The following CMSS1 variants were observed in gnomAD, a reference collection of about 807,000 sequenced individuals.
CMSS1 encodes the protein cms1 ribosomal small subunit homolog.
CMSS1 carries 33 observed loss-of-function variants against 43.5 expected under a neutral mutation model. The observed-to-expected ratio is 0.76, with a 90% CI of 0.57 to 1.01. The LOEUF is 1.01. Among genes scored for constraint, CMSS1 ranks in the 50% least tolerant of loss-of-function variants. CMSS1 has a pLI of 0.00. For missense variants in CMSS1, 313 were observed against 326.4 expected (o/e 0.96, Z 0.32); for synonymous variants, 115 against 117.2 (o/e 0.98, Z 0.12).
chr3:99,921,407 T>G (rs1707120485), intron 1 of CMSS1, among the ~76,000 whole-genome samples: 1 of 152,072 alleles, frequency 6.6e-6, no homozygotes, highest in Admixed American at 6.6e-5. Context: ...GCCTGCAGTC[T>G]CCCAGCAGAA....
At chr3:99,960,891 G>C (rs562095644) in intron 1 of CMSS1, among the ~76,000 whole-genome samples, 58 of 152,178 alleles carry the variant, frequency 3.8e-4, no homozygotes, top group Non-Finnish European at 7.6e-4. Flanking sequence ...AATGTACTCT[G>C]TGTGTTTGGC....
At chr3:99,965,215 A>T (rs1395780499) in intron 1 of CMSS1, among the ~76,000 whole-genome samples, 1 of 152,258 alleles carries the variant, frequency 6.6e-6, no homozygotes, top group African/African-American at 2.4e-5. Flanking sequence ...TGTGAAACAA[A>T]TATATGAGTC....
Position 99,946,916 on chromosome 3 carries a change from C to T in CMSS1, c.64+128873C>T, listed in dbSNP as rs1708025081. ...GGTGCTAACAGAGGTGGGCGGATCTCCTGAGGTCTGGAGTTCAAGACCAGC... is the reference window on the plus strand; with the variant it reads ...GGTGCTAACAGAGGTGGGCGGATCTTCTGAGGTCTGGAGTTCAAGACCAGC... On this transcript the variant is annotated intron_variant, in intron 1 of 9. Transcript: ENST00000421999. 2.0e-5 allele frequency among the ~76,000 whole-genome samples: 3 copies of T among 152,158 alleles called. No homozygotes were observed. The South Asian group carries it at 6.2e-4, about 32-fold the overall frequency.
intron 1 of CMSS1, among the ~76,000 whole-genome samples, chr3:99,922,157 G>A (rs1051591590): frequency 1.3e-5 from 2 of 152,194 alleles, no homozygotes; most frequent in African/African-American, 4.8e-5. Context: ...CACTCTGACC[G>A]TGATCAGTAA....
chr3:99,902,218 A>G (rs190209796), intron 1 of CMSS1, among the ~76,000 whole-genome samples: 2 of 152,216 alleles, frequency 1.3e-5, no homozygotes. Context: ...ACCATGTGAC[A>G]TTTTTTTGAG....
At chr3:99,832,672 G>A (rs985903988) in intron 1 of CMSS1, among the ~76,000 whole-genome samples, 1 of 148,052 alleles carries the variant, frequency 6.8e-6, no homozygotes, top group Non-Finnish European at 1.5e-5. Flanking sequence ...GTGAAACCCT[G>A]TCTCTACTGA....
intron 1 of CMSS1, chr3:99,830,742 C>T (rs1220261420): frequency 2.6e-6 from 1 of 378,816 alleles, no homozygotes; most frequent in Non-Finnish European, 5.3e-6. Context: ...GATCAAAGAT[C>T]GTCAGGTTGA....
intron 1 of CMSS1, among the ~76,000 whole-genome samples, chr3:100,085,185 T>C (rs1013357323): frequency 6.6e-6 from 1 of 152,200 alleles, no homozygotes; most frequent in African/African-American, 2.4e-5. Flanking sequence ...GTTTTAAAAG[T>C]ATCTAAGGTG....
At chr3:100,172,492 C>A in intron 8 of CMSS1, 89 bp downstream of exon 8, 1 of 952,670 alleles carries the variant, frequency 1.0e-6, no homozygotes, top group Non-Finnish European at 1.6e-6. Flanking sequence ...TCAGGATATA[C>A]AAAAACCAGA....
At chr3:100,109,085 C>T (rs1164195147) in intron 1 of CMSS1, among the ~76,000 whole-genome samples, 17 of 119,992 alleles carry the variant, frequency 1.4e-4, no homozygotes, top group Admixed American at 1.3e-3. Context: ...TTAACTGTCT[C>T]TTAAAAAAAA....
intron 1 of CMSS1, among the ~76,000 whole-genome samples, chr3:100,063,378 A>G (rs1263806424): frequency 6.6e-6 from 1 of 152,198 alleles, no homozygotes; most frequent in East Asian, 1.9e-4. Flanking sequence ...TTATTACTAT[A>G]TATCTGAATT....
At chr3:99,998,374 T>C (rs1340558665) in intron 1 of CMSS1, among the ~76,000 whole-genome samples, 1 of 152,216 alleles carries the variant, frequency 6.6e-6, no homozygotes, top group Admixed American at 6.5e-5. Flanking sequence ...GCAACCCATC[T>C]TGCATGTGTT....
intron 1 of CMSS1, among the ~76,000 whole-genome samples, chr3:99,870,627 A>G (rs926148771): frequency 2.0e-5 from 3 of 152,192 alleles, no homozygotes; most frequent in African/African-American, 7.2e-5. Context: ...GCCTGTTTTC[A>G]TGCCTTGTGC....
At chr3:99,986,417 A>G (rs1367115675) in intron 1 of CMSS1, among the ~76,000 whole-genome samples, 1 of 152,220 alleles carries the variant, frequency 6.6e-6, no homozygotes, top group African/African-American at 2.4e-5. Context: ...GAAAAAGTAT[A>G]TCACTGGCAT....
At chr3:100,071,790 C>G (rs1219988013) in intron 1 of CMSS1, among the ~76,000 whole-genome samples, 2 of 152,306 alleles carry the variant, frequency 1.3e-5, no homozygotes, top group Non-Finnish European at 2.9e-5. Context: ...TGTCTTCTTC[C>G]TGCCCTGGTC....
At chr3:99,897,801 T>C (rs1409392052) in intron 1 of CMSS1, among the ~76,000 whole-genome samples, 2 of 152,232 alleles carry the variant, frequency 1.3e-5, no homozygotes, top group African/African-American at 2.4e-5. Context: ...AGAGGGATTC[T>C]GTAAGAGAAC....
intron 1 of CMSS1, among the ~76,000 whole-genome samples, chr3:99,872,269 C>CTCTGTGTGTGTG (rs1457646701): frequency 2.7e-5 from 3 of 110,740 alleles, no homozygotes; most frequent in Non-Finnish European, 5.6e-5. Flanking sequence ...TGTGCCAGGA[C>CTCTGTGTGTGTG]TGTGTGTGTG....
At chr3:99,961,195 G>A (rs1708479322) in intron 1 of CMSS1, among the ~76,000 whole-genome samples, 2 of 152,222 alleles carry the variant, frequency 1.3e-5, no homozygotes, top group African/African-American at 2.4e-5. Context: ...CCAGGATGAG[G>A]GAGGTGGTGC....
chr3:100,010,176 A>G (rs1710102066), intron 1 of CMSS1: 4 of 957,954 alleles, frequency 4.2e-6, no homozygotes, highest in Non-Finnish European at 5.0e-6. Context: ...GGAATTTTCC[A>G]TTTGGTAAAG....
Sources: allele counts gnomAD v4.1 joint callset (sites outside exome capture counted in the v4.1 genomes callset), GRCh38; gene constraint gnomAD v4.1.1; transcripts MANE v1.5; gene names NCBI Gene and HGNC (gene_info 2026-07-23, HGNC 2026-07-21).